The following GRHPR variants were observed in gnomAD, a reference collection of about 807,000 sequenced individuals.
GRHPR encodes glyoxylate reductase/hydroxypyruvate reductase.
In GRHPR, 35 loss-of-function variants were observed where a neutral mutation model predicts 36.8. The ratio of observed to expected loss-of-function variants is 0.95; its 90% confidence interval spans 0.73 to 1.26. The LOEUF (loss-of-function observed/expected upper bound fraction) is 1.26, where lower values mean the gene tolerates loss of function less well. Ranked by LOEUF, GRHPR falls within the 50% of genes most tolerant of loss-of-function variation. The pLI is 0.00. For missense variants in GRHPR, 380 were observed against 435.0 expected, an observed-to-expected ratio of 0.87 and a Z score of 1.12; for synonymous variants, 179 against 181.0, an observed-to-expected ratio of 0.99 and a Z score of 0.09.
chr9:37,422,721 G>A lies in GRHPR; in HGVS notation c.-30G>A, dbSNP rs1345117205. On this transcript the variant is annotated 5_prime_UTR_variant, in exon 1 of 9. Transcript: ENST00000318158. ...ACATTCCCGGGCCAGCTTCTGTACTGCCAGGTCCGGGTCGGCGGCTGCACT... is the reference window on the plus strand; with the variant it reads ...ACATTCCCGGGCCAGCTTCTGTACTACCAGGTCCGGGTCGGCGGCTGCACT... 6.5e-7 allele frequency: 1 copy of A among 1,528,686 alleles called. No homozygotes were observed. Among genetic ancestry groups the A allele is most frequent in the Non-Finnish European group, 8.9e-7 (1 of 1,124,142 alleles). 94.7% of individuals were successfully genotyped at this position (1,528,686 alleles called of 1,614,324 possible). A position where few individuals can be genotyped will look rare whatever the true frequency, so the allele number is the denominator to read the frequency against.
chr9:37,439,000 A>ATACT (rs1588771839), downstream of GRHPR: 1 of 152,278 alleles, frequency 6.6e-6, no homozygotes, highest in Admixed American at 6.5e-5. Flanking sequence ...CCAGCTACAC[A>ATACT]TACTTAGCTT....
chr9:37,430,753 CT>C, intron 7 of GRHPR, 107 bp downstream of exon 7: 3 of 1,044,064 alleles, frequency 2.9e-6, no homozygotes, highest in Non-Finnish European at 4.4e-6. Flanking sequence ...CCAGGCTGAG[CT>C]TGCTGGTTTC....
chr9:37,434,496 G>A (rs1823539615), intron 8 of GRHPR: 2 of 514,138 alleles, frequency 3.9e-6, no homozygotes, highest in Non-Finnish European at 7.1e-6. Context: ...AAGAAGGTGA[G>A]GCAGAGGTAG....
chr9:37,437,519 G>A (rs533248590), downstream of GRHPR, among the ~76,000 whole-genome samples: 1 of 152,284 alleles, frequency 6.6e-6, no homozygotes, highest in East Asian at 1.9e-4. Flanking sequence ...AGCACTTCCA[G>A]AAAAGGAGTT....
At chr9:37,434,176 C>A in intron 8 of GRHPR, 1 of 399,544 alleles carries the variant, frequency 2.5e-6, no homozygotes, top group South Asian at 1.3e-4. Flanking sequence ...GGGCTGCAGC[C>A]ATGTCCTACT....
At chr9:37,423,480 C>G (rs1193952720) in intron 1 of GRHPR, among the ~76,000 whole-genome samples, 1 of 148,842 alleles carries the variant, frequency 6.7e-6, no homozygotes, top group African/African-American at 2.5e-5. Context: ...GCCTGAGGAC[C>G]CTTTAATTTT....
In GRHPR at chr9:37,431,385, G is replaced by A. The variant is rs556991879; in HGVS notation, c.735-623G>A. 12 of 308,308 alleles carry A rather than the reference G, an allele frequency of 3.9e-5. No individual in the cohort carries two copies. The East Asian group carries it at 6.7e-4, about 17-fold the overall frequency. 19.1% of individuals were successfully genotyped at this position (308,308 alleles called of 1,614,324 possible). ...CTGGCTGGCAGCAGTCACAGCTGCC[G>A]TGTACTGGGTGCCTGCATGTACCCA... On this transcript the variant is annotated intron_variant, in intron 7 of 8. Coordinates refer to ENST00000318158, the MANE Select transcript of GRHPR (RefSeq NM_012203.2).
chr9:37,437,268 C>CTT (rs986118507), downstream of GRHPR, among the ~76,000 whole-genome samples: 2 of 152,146 alleles, frequency 1.3e-5, no homozygotes, highest in Non-Finnish European at 2.9e-5. Context: ...TCAAAAAAAA[C>CTT]TTTAAAAATA....
rs772023163 is a variant in GRHPR, at chr9:37,422,756, A to G, written c.6A>G (p.Arg2=). Residue 2 remains arginine (R), a synonymous_variant, in exon 1 of 9, where the codon AGA becomes AGG. Transcript: ENST00000318158. ...GGTCGGCGGCTGCACTGCGGATGAG[A>G]CCGGTGCGACTCATGAAGGTGTTCG... The part of the protein sequence containing the change: M[R]PVRLMKVFVT... The G allele has an allele frequency of 5.0e-6, 8 of 1,584,990 alleles. No homozygotes were observed. Among genetic ancestry groups the G allele is most frequent in the East Asian group, 2.3e-5 (1 of 42,866 alleles).
chr9:37,433,522 C>T (rs1823480839), intron 8 of GRHPR, among the ~76,000 whole-genome samples: 1 of 152,128 alleles, frequency 6.6e-6, no homozygotes, highest in Non-Finnish European at 1.5e-5. Flanking sequence ...GCATGAGTGT[C>T]CGGCCAATTC....
At chr9:37,422,625 C>CA, upstream of GRHPR, 1 of 778,392 alleles carries the variant, frequency 1.3e-6, no homozygotes, top group Non-Finnish European at 2.2e-6. Context: ...CTCGCGAAGC[C>CA]ACACCCCCTG....
In GRHPR at chr9:37,422,703, C is replaced by T. The variant is rs149749351; in HGVS notation, c.-48C>T. The T allele has an allele frequency of 2.8e-6, 4 of 1,419,584 alleles. No homozygotes were observed. The highest frequency in any genetic ancestry group is 2.5e-5 in the East Asian group (1 of 40,516). 87.9% of individuals were successfully genotyped at this position (1,419,584 alleles called of 1,614,324 possible). ...CCCCGCCCCGGCCCAGCTACATTCC[C>T]GGGCCAGCTTCTGTACTGCCAGGTC... On this transcript the variant is annotated 5_prime_UTR_variant, in exon 1 of 9. Coordinates refer to ENST00000318158, the MANE Select transcript of GRHPR (RefSeq NM_012203.2).
At chr9:37,438,677 G>C (rs1226108660), downstream of GRHPR, 1 of 152,292 alleles carries the variant, frequency 6.6e-6, no homozygotes, top group Non-Finnish European at 1.5e-5. Flanking sequence ...CTAACCCACT[G>C]TGTCCCAAGG....
rs750415781 is a variant in GRHPR at position 37,426,564 on chromosome 9, A to G, written c.314A>G (p.Asp105Gly). The G allele has an allele frequency of 6.2e-7, 1 of 1,613,236 alleles. No homozygotes were observed. The highest frequency in any genetic ancestry group is 8.5e-7 in the Non-Finnish European group (1 of 1,179,220). ...GGGATCCGAGTTGGCTACACCCCAGATGTCCTGACAGATACCACCGCCGAA... is the reference window on the plus strand; with the variant it reads ...GGGATCCGAGTTGGCTACACCCCAGGTGTCCTGACAGATACCACCGCCGAA... ...KRGIRVGYTP[D>G]VLTDTTAELA... The change falls in exon 4 of 9, where the codon GAT (aspartate) becomes GGT (glycine). Residue 105 changes from aspartate to glycine, a missense_variant. Asp to Gly is a moderately conservative substitution (Grantham distance 94, BLOSUM62 -1). Coordinates refer to ENST00000318158, the MANE Select transcript of GRHPR (RefSeq NM_012203.2).
Position 37,429,664 on chromosome 9 carries a change from A to G in GRHPR, c.494-68A>G, listed in dbSNP as rs309459. 0.9 allele frequency: 941,790 copies of G among 1,046,888 alleles called. 424,633 individuals are homozygous for G. Among genetic ancestry groups the G allele is most frequent in the Middle Eastern group, 0.93 (4,600 of 4,938 alleles). 64.8% of individuals were successfully genotyped at this position (1,046,888 alleles called of 1,614,324 possible). On this transcript the variant is annotated intron_variant, in intron 5 of 8. Coordinates refer to ENST00000318158, the MANE Select transcript of GRHPR (RefSeq NM_012203.2). Reference sequence around the variant, plus strand: ...GGTCTGCCCTGAGGGCCGCTGTTCCAGAAATGCTGGGTGGTGTCCCTACCC... The same window carrying G: ...GGTCTGCCCTGAGGGCCGCTGTTCCGGAAATGCTGGGTGGTGTCCCTACCC...
intron 7 of GRHPR, 145 bp from the exon 8 acceptor site, chr9:37,431,863 A>G (rs1190272744): frequency 1.0e-5 from 8 of 799,776 alleles, no homozygotes; most frequent in Non-Finnish European, 1.7e-5. Context: ...AGACTTACAG[A>G]CATACTGTAA....
intron 2 of GRHPR, 152 bp from the exon 3 acceptor site, chr9:37,425,770 A>G: frequency 3.1e-6 from 2 of 647,348 alleles, no homozygotes; most frequent in Admixed American, 4.6e-5. Flanking sequence ...AGGCTGTCAA[A>G]GGGGATTATT....
chr9:37,427,838 CAAA>C (rs1157647918), intron 4 of GRHPR: 51 of 86,528 alleles, frequency 5.9e-4, no homozygotes, highest in Admixed American at 9.8e-4. Context: ...ACCCTGTCTC[CAAA>C]AAAAAAAAAA....
intron 8 of GRHPR, chr9:37,433,881 C>A: frequency 2.5e-6 from 1 of 396,058 alleles, no homozygotes; most frequent in Non-Finnish European, 4.4e-6. Flanking sequence ...GGAATGGAAA[C>A]CTAAACAAAA....
Sources: allele counts gnomAD v4.1 joint callset (sites outside exome capture counted in the v4.1 genomes callset), GRCh38; gene constraint gnomAD v4.1.1; transcripts MANE v1.5; gene names NCBI Gene and HGNC (gene_info 2026-07-23, HGNC 2026-07-21).